The following GALE variants were observed in gnomAD, a reference collection of about 807,000 sequenced individuals.
GALE encodes the protein UDP-galactose-4-epimerase.
A neutral mutation model predicts 44.1 loss-of-function variants in GALE; 32 were observed. That is an observed-to-expected ratio of 0.73 (90% CI 0.55 to 0.97). The LOEUF is 0.97. Among genes scored for constraint, GALE ranks in the 50% least tolerant of loss-of-function variants. The probability of loss-of-function intolerance (pLI) is 0.00; values close to 1 mark genes in which losing one functional copy is unlikely to be tolerated. For missense variants in GALE, 423 were observed against 455.6 expected (o/e 0.93, Z 0.65); for synonymous variants, 182 against 183.5 (o/e 0.99, Z 0.06).
At chr1:23,797,938 A>C in intron 5 of GALE, 67 bp from the exon 6 acceptor site, 2 of 1,538,996 alleles carry the variant, frequency 1.3e-6, no homozygotes, top group Non-Finnish European at 1.8e-6. Context: ...TTACTCCTCC[A>C]CAGGAGAATG....
At position 23,796,464 on chromosome 1, in the gene GALE, T is replaced by C. The variant is rs745826474; in HGVS notation, c.873+45A>G. ...CCAAAGCTGCTCTGTTGCTGAGAGCTGGGTGGGGTGAGGTGGGTGAGGTGG... is the reference window on the plus strand; with the variant it reads ...CCAAAGCTGCTCTGTTGCTGAGAGCCGGGTGGGGTGAGGTGGGTGAGGTGG... On this transcript the variant is annotated intron_variant, in intron 10 of 11. Transcript: ENST00000617979. The surrounding 1 kb of genome is among the most constrained non-coding windows in gnomAD (Gnocchi z 5.2). 6.9e-5 allele frequency: 68 copies of C among 990,984 alleles called. No homozygotes were observed. In the East Asian group the frequency reaches 4.4e-3, roughly 64 times the overall value. 61.4% of individuals were successfully genotyped at this position (990,984 alleles called of 1,614,324 possible). A position where few individuals can be genotyped will look rare whatever the true frequency, so the allele number is the denominator to read the frequency against.
In GALE at chr1:23,796,209, G is replaced by A. The variant is rs1570629062; in HGVS notation, c.930C>T (p.Asn310=). ...CCAGCTCCTCTTGGGCCAGGCTGGG[G>A]TTGGCGTAACAGGCTGCCACATCAC... ...REGDVAACYA[N]PSLAQEELGW... is the part of the protein sequence containing the mutation. The change falls in exon 11 of 12, where the codon AAC becomes AAT. Residue 310 remains asparagine (N), a synonymous_variant. Transcript: ENST00000617979. This position sits in a 1 kb window ranked among gnomAD's most constrained non-coding sequence, Gnocchi z 5.2. 6.2e-7 allele frequency: 1 copy of A among 1,614,148 alleles called. No individual in the cohort carries two copies. The highest frequency in any genetic ancestry group is 8.5e-7 in the Non-Finnish European group (1 of 1,180,016).
At position 23,798,255 on chromosome 1, in the gene GALE, T is replaced by A. The variant is rs770244687; in HGVS notation, c.238-25A>T. 2 of 1,566,046 alleles carry A rather than the reference T, an allele frequency of 1.3e-6. No homozygotes were observed. Among genetic ancestry groups the A allele is most frequent in the South Asian group, 2.2e-5 (2 of 90,116 alleles). On this transcript the variant is annotated intron_variant, in intron 4 of 11. Transcript: ENST00000617979. This position sits in a 1 kb window ranked among gnomAD's most constrained non-coding sequence, Gnocchi z 4.5. Reference sequence around the variant, plus strand: ...ACTGCAGGGGTGACATGGCCAGAGGTTGCTCTACTGGTTTTAGTCCTTGGC... The same window carrying A: ...ACTGCAGGGGTGACATGGCCAGAGGATGCTCTACTGGTTTTAGTCCTTGGC...
chr1:23,798,890 G>A lies in GALE; in HGVS notation c.118C>T (p.Arg40Cys), dbSNP rs144492228. 44 of 1,614,150 alleles carry A rather than the reference G, an allele frequency of 2.7e-5. No homozygotes were observed. In the East Asian group the frequency reaches 8.0e-4, roughly 29 times the overall value. Reference sequence around the variant, plus strand: ...CCAGCCCCACTGCCCCGCTCACCACGGAAGGCATTATGGAAGTTATCGATG... The same window carrying A: ...CCAGCCCCACTGCCCCGCTCACCACAGAAGGCATTATGGAAGTTATCGATG... The part of the protein sequence containing the change: ...VVIDNFHNAF[R>C]GGGSLPESLR... Residue 40 changes from arginine (R) to cysteine (C), a missense_variant, in exon 3 of 12, where the codon CGT becomes TGT. By Grantham distance (180) the Arg-to-Cys change is radical. Transcript: ENST00000617979. The surrounding 1 kb of genome is among the most constrained non-coding windows in gnomAD (Gnocchi z 4.5).
rs373494558 is a variant in GALE at position 23,798,586 on chromosome 1, G to C, written c.237+29C>G. 1 of 1,509,856 alleles carries C rather than the reference G, an allele frequency of 6.6e-7. No homozygotes were observed. The highest frequency in any genetic ancestry group is 1.1e-5 in the South Asian group (1 of 89,084). The allele number at this position is 1,509,856 out of a possible 1,614,324, so 93.5% of individuals were successfully genotyped here. A position where few individuals can be genotyped will look rare whatever the true frequency, so the allele number is the denominator to read the frequency against. ...CTTCCAAAGTGCTGGAATTACAGGC[G>C]TGAGCCACCGTGCCCAGCCTGCACC... is the stretch of plus-strand genomic sequence containing the variant. On this transcript the variant is annotated intron_variant, in intron 4 of 11. Coordinates refer to ENST00000617979, the MANE Select transcript of GALE (RefSeq NM_001008216.2). The surrounding 1 kb of genome is among the most constrained non-coding windows in gnomAD (Gnocchi z 4.5).
In GALE at chr1:23,795,964, A is replaced by C; in HGVS notation, c.1032T>G (p.Phe344Leu). Residue 344 changes from phenylalanine (F) to leucine (L), a missense_variant, in exon 12 of 12, where the codon TTT (phenylalanine) becomes TTG (leucine). Coordinates refer to ENST00000617979, the MANE Select transcript of GALE (RefSeq NM_001008216.2). The part of the protein sequence containing the change: ...WRWQKQNPSG[F>L]GTQA ...GGGAGGGTCCTCAGGCTTGCGTGCC[A>C]AAGCCTGAAGGATTCTGCTTCTGCC... 1 of 1,613,968 alleles carries C rather than the reference A, an allele frequency of 6.2e-7. No homozygotes were observed. Among genetic ancestry groups the C allele is most frequent in the South Asian group, 1.1e-5 (1 of 91,056 alleles).
At chr1:23,797,515 C>T (rs1002078908) in intron 6 of GALE, among the ~76,000 whole-genome samples, 180 bp downstream of exon 6, 2 of 152,096 alleles carry the variant, frequency 1.3e-5, no homozygotes, top group African/African-American at 2.4e-5. Flanking sequence ...CCACTGCGCC[C>T]GGCCAGTTGT....
chr1:23,799,375 G>A lies in GALE; in HGVS notation c.-15C>T. The A allele has an allele frequency of 3.0e-6, 1 of 338,836 alleles. No individual in the cohort carries two copies. The allele number at this position is 338,836 out of a possible 1,614,324, so 21.0% of individuals were successfully genotyped here. On this transcript the variant is annotated 5_prime_UTR_variant, in exon 2 of 12. Coordinates refer to ENST00000617979, the MANE Select transcript of GALE (RefSeq NM_001008216.2). ...TTCTAGTTCCACTTGCCTTGGAGTTGGAAAAGATGGAATCTGAGGATCCAC... is the reference window on the plus strand; with the variant it reads ...TTCTAGTTCCACTTGCCTTGGAGTTAGAAAAGATGGAATCTGAGGATCCAC...
rs1638983065 is a variant in GALE at position 23,797,093 on chromosome 1, C to T, written c.583G>A (p.Gly195Ser). ...CCCTGGGGATCCTCACCAATGCAGCCAGAGGCATGGGCACCTGTGGGGTTG... is the reference window on the plus strand; with the variant it reads ...CCCTGGGGATCCTCACCAATGCAGCTAGAGGCATGGGCACCTGTGGGGTTG... ...YFNPTGAHAS[G>S]CIGEDPQGIP... The change falls in exon 7 of 12, where the codon GGC (glycine) becomes AGC (serine). Residue 195 changes from glycine (G) to serine (S), a missense_variant. Gly to Ser is a moderately conservative substitution (Grantham distance 56). Coordinates refer to ENST00000617979, the MANE Select transcript of GALE (RefSeq NM_001008216.2). 1 of 1,613,496 alleles carries T rather than the reference C, an allele frequency of 6.2e-7. No homozygotes were observed. Among genetic ancestry groups the T allele is most frequent in the Admixed American group, 1.7e-5 (1 of 59,894 alleles).
Position 23,798,878 on chromosome 1 carries a change from C to T in GALE, c.121+9G>A. Reference sequence around the variant, plus strand: ...CCTCAAGTAGCCCCAGCCCCACTGCCCCGCTCACCACGGAAGGCATTATGG... The same window carrying T: ...CCTCAAGTAGCCCCAGCCCCACTGCTCCGCTCACCACGGAAGGCATTATGG... On this transcript the variant is annotated intron_variant, in intron 3 of 11. Coordinates refer to ENST00000617979, the MANE Select transcript of GALE (RefSeq NM_001008216.2). The surrounding 1 kb of genome is among the most constrained non-coding windows in gnomAD (Gnocchi z 4.5). 1 of 1,614,204 alleles carries T rather than the reference C, an allele frequency of 6.2e-7. No individual in the cohort carries two copies. The highest frequency in any genetic ancestry group is 8.5e-7 in the Non-Finnish European group (1 of 1,180,028).
rs909389202 is a variant in GALE, at chr1:23,797,151, T to C, written c.529-4A>G. ...GCAGCAGCACTGCGTTCCAAGTCTG[T>C]GGGATGTGGGTCAGGTGGTGAGGCC... is the stretch of plus-strand genomic sequence containing the variant. On this transcript the variant is annotated splice_polypyrimidine_tract_variant and splice_region_variant and intron_variant, in intron 6 of 11. Transcript: ENST00000617979. The C allele has an allele frequency of 6.3e-7, 1 of 1,599,556 alleles. No individual in the cohort carries two copies.
intron 6 of GALE, among the ~76,000 whole-genome samples, chr1:23,797,475 C>T (rs1480634149): frequency 6.6e-6 from 1 of 152,142 alleles, no homozygotes; most frequent in Non-Finnish European, 1.5e-5. Flanking sequence ...CCACCTGGGC[C>T]TCCCAAAGTG....
Position 23,797,071 on chromosome 1 carries a change from T to C in GALE, c.605A>G (p.Gln202Arg). The C allele has an allele frequency of 1.2e-6, 2 of 1,613,800 alleles. No individual in the cohort carries two copies. Among genetic ancestry groups the C allele is most frequent in the Non-Finnish European group, 1.7e-6 (2 of 1,179,872 alleles). Residue 202 changes from glutamine (Q) to arginine (R), a missense_variant, in exon 7 of 12, where the codon CAG (glutamine) becomes CGG (arginine). Transcript: ENST00000617979. ...AGGCATGAGGTTGTTGGGTATGCCCTGGGGATCCTCACCAATGCAGCCAGA... is the reference window on the plus strand; with the variant it reads ...AGGCATGAGGTTGTTGGGTATGCCCCGGGGATCCTCACCAATGCAGCCAGA... ...HASGCIGEDPQGIPNNLMPYV... is the reference protein window; with the variant it reads ...HASGCIGEDPRGIPNNLMPYV...
chr1:23,795,981 G>T lies in GALE; in HGVS notation c.1015C>A (p.Gln339Lys). 6.2e-7 allele frequency: 1 copy of T among 1,614,044 alleles called. No homozygotes were observed. Among genetic ancestry groups the T allele is most frequent in the South Asian group, 1.1e-5 (1 of 91,064 alleles). Residue 339 changes from glutamine (Q) to lysine (K), a missense_variant, in exon 12 of 12, where the codon CAG (glutamine) becomes AAG (lysine). Physicochemically the swap from Gln to Lys is moderately conservative, Grantham distance 53. Coordinates refer to ENST00000617979, the MANE Select transcript of GALE (RefSeq NM_001008216.2). ...MCEDLWRWQK[Q>K]NPSGFGTQA ...TGCGTGCCAAAGCCTGAAGGATTCT[G>T]CTTCTGCCAGCGCCAGAGATCCTCA...
At position 23,797,038 on chromosome 1, in the gene GALE, G is replaced by A; in HGVS notation, c.638C>T (p.Ser213Phe). ...GIPNNLMPYV[S>F]QVAIGRREAL... ...GTCCCTTCCCTTTTGCCTTACCTGG[G>A]AGACATAAGGCATGAGGTTGTTGGG... is the stretch of plus-strand genomic sequence containing the variant. Residue 213 changes from serine (S) to phenylalanine (F), a missense_variant, in exon 7 of 12, where the codon TCC (serine) becomes TTC (phenylalanine). Ser to Phe is a radical substitution (Grantham distance 155). Coordinates refer to ENST00000617979, the MANE Select transcript of GALE (RefSeq NM_001008216.2). 1 of 1,612,720 alleles carries A rather than the reference G, an allele frequency of 6.2e-7. No homozygotes were observed. Among genetic ancestry groups the A allele is most frequent in the East Asian group, 2.2e-5 (1 of 44,848 alleles).
chr1:23,799,376 G>T lies in GALE; in HGVS notation c.-16C>A. On this transcript the variant is annotated 5_prime_UTR_variant, in exon 2 of 12. Coordinates refer to ENST00000617979, the MANE Select transcript of GALE (RefSeq NM_001008216.2). ...TCTAGTTCCACTTGCCTTGGAGTTG[G>T]AAAAGATGGAATCTGAGGATCCACA... The T allele has an allele frequency of 8.7e-6, 3 of 344,164 alleles. No individual in the cohort carries two copies. Among genetic ancestry groups the T allele is most frequent in the South Asian group, 4.8e-5 (2 of 41,574 alleles). 21.3% of individuals were successfully genotyped at this position (344,164 alleles called of 1,614,324 possible). A position where few individuals can be genotyped will look rare whatever the true frequency, so the allele number is the denominator to read the frequency against.
Position 23,796,413 on chromosome 1 carries a change from C to T in GALE, c.873+96G>A. 2.0e-6 allele frequency: 3 copies of T among 1,471,278 alleles called. No individual in the cohort carries two copies. Among genetic ancestry groups the T allele is most frequent in the Non-Finnish European group, 2.8e-6 (3 of 1,055,476 alleles). The allele number at this position is 1,471,278 out of a possible 1,614,324, so 91.1% of individuals were successfully genotyped here. ...TGAGGAGACTGGGCAGTGCCAGGTA[C>T]CCTCCAGAGAGGTGAGTGGGAAGGG... On this transcript the variant is annotated intron_variant, in intron 10 of 11. Transcript: ENST00000617979. This position sits in a 1 kb window ranked among gnomAD's most constrained non-coding sequence, Gnocchi z 5.2.
Position 23,797,078 on chromosome 1 carries a change from C to G in GALE, c.598G>C (p.Asp200His), listed in dbSNP as rs761690949. Residue 200 changes from aspartate to histidine, a missense_variant, in exon 7 of 12, where the codon GAT becomes CAT. Asp to His is a moderately conservative substitution (Grantham distance 81). Transcript: ENST00000617979. ...GAHASGCIGE[D>H]PQGIPNNLMP... ...AGGTTGTTGGGTATGCCCTGGGGAT[C>G]CTCACCAATGCAGCCAGAGGCATGG... is the stretch of plus-strand genomic sequence containing the variant. 4 of 1,613,684 alleles carry G rather than the reference C, an allele frequency of 2.5e-6. No homozygotes were observed. Among genetic ancestry groups the G allele is most frequent in the East Asian group, 4.5e-5 (2 of 44,876 alleles).
At chr1:23,797,911 A>C in intron 5 of GALE, 40 bp from the exon 6 acceptor site, 1 of 1,601,786 alleles carries the variant, frequency 6.2e-7, no homozygotes, top group South Asian at 1.1e-5. Flanking sequence ...TCTGCCTCAC[A>C]CATTACTCCC....
Sources: gnomAD v4.1 joint callset for allele counts (sites outside exome capture counted in the v4.1 genomes callset) on GRCh38, gnomAD v4.1.1 for gene constraint, Gnocchi (gnomAD v3.1) non-coding constraint, MANE v1.5 for transcripts, NCBI Gene and HGNC (gene_info 2026-07-23, HGNC 2026-07-21) for gene names.